The following SERPIND1 variants were observed in gnomAD, a reference collection of about 807,000 sequenced individuals.
SERPIND1 encodes the protein heparin cofactor 2.
Under a neutral mutation model 35.0 loss-of-function variants are expected in SERPIND1, and 34 were observed. That is an observed-to-expected ratio of 0.97 (90% CI 0.74 to 1.29). SERPIND1 has a LOEUF of 1.29. SERPIND1 is among the 50% of genes most tolerant of loss of function. The pLI is 0.00. For synonymous variants in SERPIND1, 236 were observed against 241.1 expected, an observed-to-expected ratio of 0.98 and a Z score of 0.19; for missense variants, 633 against 637.7, an observed-to-expected ratio of 0.99 and a Z score of 0.08.
chr22:20,787,306 T>C lies in SERPIND1; in HGVS notation c.*240T>C. 1.8e-6 allele frequency: 1 copy of C among 542,426 alleles called. No individual in the cohort carries two copies. The highest frequency in any genetic ancestry group is 3.3e-6 in the Non-Finnish European group (1 of 300,432). The allele number at this position is 542,426 out of a possible 1,614,324, so 33.6% of individuals were successfully genotyped here. A position where few individuals can be genotyped will look rare whatever the true frequency, so the allele number is the denominator to read the frequency against. ...ACTGTAACTGTAGTGTGTCTGCTGT[T>C]ACCTAGAGGGTCTCACCTCCCCACT... On this transcript the variant is annotated 3_prime_UTR_variant, in exon 5 of 5. Coordinates refer to ENST00000215727, the MANE Select transcript of SERPIND1 (RefSeq NM_000185.4).
In SERPIND1 at chr22:20,779,411, A is replaced by G. The variant is rs143785358; in HGVS notation, c.99A>G (p.Glu33=). The G allele has an allele frequency of 4.5e-5, 72 of 1,614,134 alleles. No individual in the cohort carries two copies. Among genetic ancestry groups the G allele is most frequent in the Non-Finnish European group, 6.1e-5 (72 of 1,180,048 alleles). ...TGGATCAGCTAGAGAAAGGAGGGGA[A>G]ACTGCTCAGTCTGCAGATCCCCAGT... ...GPLDQLEKGG[E]TAQSADPQWE... Residue 33 remains glutamate (E), a synonymous_variant, in exon 2 of 5, where the codon GAA becomes GAG. Transcript: ENST00000215727.
At position 20,780,086 on chromosome 22, in the gene SERPIND1, C is replaced by T; in HGVS notation, c.774C>T (p.Phe258=). Residue 258 remains phenylalanine, a synonymous_variant, in exon 2 of 5, where the codon TTC becomes TTT. Transcript: ENST00000215727. ...TAGCTGACTTCTCAGACCCTGCCTT[C>T]ATATCAAAAACCAACAACCACATCA... ...AQIADFSDPA[F]ISKTNNHIMK... 6.2e-7 allele frequency: 1 copy of T among 1,614,182 alleles called. No homozygotes were observed.
At chr22:20,786,516 G>A (rs1934240735) in intron 4 of SERPIND1, among the ~76,000 whole-genome samples, 1 of 152,152 alleles carries the variant, frequency 6.6e-6, no homozygotes, top group African/African-American at 2.4e-5. Context: ...AACCAATCGG[G>A]CGCTCAGCAA....
intron 1 of SERPIND1, chr22:20,779,093 AT>A (rs1933533571): frequency 8.2e-7 from 1 of 1,213,208 alleles, no homozygotes. Flanking sequence ...CAGATCCTTC[AT>A]TGAGGTTTAT....
At chr22:20,777,183 C>T (rs964771326) in intron 1 of SERPIND1, among the ~76,000 whole-genome samples, 4 of 151,578 alleles carry the variant, frequency 2.6e-5, no homozygotes, top group Non-Finnish European at 1.5e-5. Flanking sequence ...GGACCACAGG[C>T]GTGTGCCATC....
chr22:20,778,187 GT>G lies in SERPIND1; in HGVS notation c.-16-1108del, dbSNP rs1459964796. Among the ~76,000 whole-genome samples the G allele has an allele frequency of 6.0e-4, 92 of 152,228 alleles. 1 individual carries two copies. Among genetic ancestry groups the G allele is most frequent in the Non-Finnish European group, 8.8e-5 (6 of 68,006 alleles). ...CTGAGGGGGTCTCAGCACTAGACAA[GT>G]TCCAAATCTTTTGCAAATTAAACAA... On this transcript the variant is annotated intron_variant, in intron 1 of 4. Transcript: ENST00000215727.
chr22:20,780,673 G>A (rs1461113981), intron 2 of SERPIND1, among the ~76,000 whole-genome samples: 2 of 150,802 alleles, frequency 1.3e-5, no homozygotes, highest in Non-Finnish European at 2.9e-5. Flanking sequence ...CTACTTGGGA[G>A]GCTGAGGCAG....
chr22:20,783,856 TC>T (rs1226040004), intron 2 of SERPIND1, 115 bp from the exon 3 acceptor site: 1 of 1,360,752 alleles, frequency 7.3e-7, no homozygotes, highest in Non-Finnish European at 1.0e-6. Flanking sequence ...GACTGTGGGG[TC>T]GGCTCTGCAG....
At chr22:20,782,752 G>A (rs1392893824) in intron 2 of SERPIND1, among the ~76,000 whole-genome samples, 1 of 152,126 alleles carries the variant, frequency 6.6e-6, no homozygotes, top group African/African-American at 2.4e-5. Flanking sequence ...TGGGGATGTT[G>A]CTAAACACCC....
rs2147523292 is a variant in SERPIND1, at chr22:20,787,073, A to G, written c.*7A>G. 6.2e-7 allele frequency: 1 copy of G among 1,613,734 alleles called. No homozygotes were observed. ...CAACCCCAGCAGGTCCTAGAGGTGG[A>G]GGTCTAGGTGTCTGAAGTGCCTTGG... is the stretch of plus-strand genomic sequence containing the variant. On this transcript the variant is annotated 3_prime_UTR_variant, in exon 5 of 5. Coordinates refer to ENST00000215727, the MANE Select transcript of SERPIND1 (RefSeq NM_000185.4).
intron 4 of SERPIND1, among the ~76,000 whole-genome samples, chr22:20,786,654 A>G (rs1934256334): frequency 6.6e-6 from 1 of 152,138 alleles, no homozygotes; most frequent in African/African-American, 2.4e-5. Context: ...CTCAGACCAC[A>G]GGCACTGCCA....
chr22:20,787,504 A>G lies in SERPIND1; in HGVS notation c.*438A>G. ...TTACCTCTCCCAAGGAGGGTACACA[A>G]CTAGCACCATTCTTGATGTCCAGGG... On this transcript the variant is annotated 3_prime_UTR_variant, in exon 5 of 5. Coordinates refer to ENST00000215727, the MANE Select transcript of SERPIND1 (RefSeq NM_000185.4). 1 of 268,048 alleles carries G rather than the reference A, an allele frequency of 3.7e-6. No homozygotes were observed. Among genetic ancestry groups the G allele is most frequent in the Non-Finnish European group, 7.3e-6 (1 of 137,254 alleles). The allele number at this position is 268,048 out of a possible 1,614,324, so 16.6% of individuals were successfully genotyped here.
At chr22:20,785,191 T>G (rs1934123184) in intron 3 of SERPIND1, among the ~76,000 whole-genome samples, 1 of 150,994 alleles carries the variant, frequency 6.6e-6, no homozygotes, top group African/African-American at 2.4e-5. Context: ...CACCTCAGCC[T>G]CCTGAATAGT....
intron 3 of SERPIND1, 56 bp downstream of exon 3, chr22:20,784,301 G>A: frequency 6.2e-7 from 1 of 1,610,686 alleles, no homozygotes; most frequent in Non-Finnish European, 8.5e-7. Flanking sequence ...GGGTGTCTGG[G>A]AATACTGGAA....
At chr22:20,786,852 T>C (rs1438378168) in intron 4 of SERPIND1, 23 bp from the exon 5 acceptor site, 5 of 1,613,832 alleles carry the variant, frequency 3.1e-6, no homozygotes, top group South Asian at 1.1e-5. Flanking sequence ...CTCCAGAATC[T>C]GACAACTTTC....
chr22:20,783,438 A>T (rs1933953244), intron 2 of SERPIND1, among the ~76,000 whole-genome samples: 2 of 58,800 alleles, frequency 3.4e-5, no homozygotes, highest in South Asian at 4.2e-4. Context: ...CTACAATTAA[A>T]AAAAAAAAAA....
chr22:20,779,419 A>G lies in SERPIND1; in HGVS notation c.107A>G (p.Gln36Arg), dbSNP rs1174411908. 3 of 1,614,282 alleles carry G rather than the reference A, an allele frequency of 1.9e-6. No homozygotes were observed. In the East Asian group the frequency reaches 6.7e-5, roughly 36 times the overall value. Residue 36 changes from glutamine to arginine, a missense_variant, in exon 2 of 5, where the codon CAG becomes CGG. By Grantham distance (43) the Gln-to-Arg change is conservative. Transcript: ENST00000215727. ...CTAGAGAAAGGAGGGGAAACTGCTC[A>G]GTCTGCAGATCCCCAGTGGGAGCAG... ...DQLEKGGETA[Q>R]SADPQWEQLN...
rs762064206 is a variant in SERPIND1, at chr22:20,786,042, A to G, written c.1202A>G (p.Lys401Arg). Reference sequence around the variant, plus strand: ...CTTCTGCCGAAATTCAAGCTGGAGAAGAACTACAATCTAGTGGAGTCCCTG... The same window carrying G: ...CTTCTGCCGAAATTCAAGCTGGAGAGGAACTACAATCTAGTGGAGTCCCTG... ...EVLLPKFKLEKNYNLVESLKL... is the reference protein window; with the variant it reads ...EVLLPKFKLERNYNLVESLKL... Residue 401 changes from lysine to arginine, a missense_variant, in exon 4 of 5, where the codon AAG (lysine) becomes AGG (arginine). Lys to Arg is a conservative substitution (Grantham distance 26). Coordinates refer to ENST00000215727, the MANE Select transcript of SERPIND1 (RefSeq NM_000185.4). The G allele has an allele frequency of 6.2e-7, 1 of 1,614,190 alleles. No individual in the cohort carries two copies. Among genetic ancestry groups the G allele is most frequent in the South Asian group, 1.1e-5 (1 of 91,086 alleles).
intron 1 of SERPIND1, chr22:20,779,061 G>A: frequency 1.3e-5 from 12 of 924,268 alleles, no homozygotes; most frequent in South Asian, 1.8e-5. Context: ...CTTTAAAGAA[G>A]GGATTTTCAT....
Sources: gnomAD v4.1 joint callset for allele counts (sites outside exome capture counted in the v4.1 genomes callset) on GRCh38, gnomAD v4.1.1 for gene constraint, MANE v1.5 for transcripts, NCBI Gene and HGNC (gene_info 2026-07-23, HGNC 2026-07-21) for gene names.